The following LIMA1 variants were observed in gnomAD, a reference collection of about 807,000 sequenced individuals.
LIMA1 encodes the protein LIM domain and actin-binding protein 1.
In LIMA1, 52 loss-of-function variants were observed where a neutral mutation model predicts 62.6. The ratio of observed to expected loss-of-function variants is 0.83; its 90% confidence interval spans 0.67 to 1.05. The LOEUF (loss-of-function observed/expected upper bound fraction) is 1.05, where lower values mean the gene tolerates loss of function less well. Ranked by LOEUF, LIMA1 falls within the 50% of genes least tolerant of loss-of-function variation. The pLI is 0.00. For synonymous variants in LIMA1, 302 were observed against 317.8 expected (o/e 0.95, Z 0.53); for missense variants, 780 against 902.2 (o/e 0.86, Z 1.74).
intron 4 of LIMA1, among the ~76,000 whole-genome samples, chr12:50,210,908 CTG>C (rs1177623921): frequency 3.3e-5 from 5 of 152,198 alleles, no homozygotes; most frequent in African/African-American, 1.2e-4. Context: ...CTCATACAGA[CTG>C]TGGCTCTGAG....
chr12:50,261,026 T>C lies in LIMA1; in HGVS notation c.-23-12252A>G, dbSNP rs535505140. Among the ~76,000 whole-genome samples the C allele has an allele frequency of 1.4e-5, 2 of 144,344 alleles. 1 individual carries two copies. Among genetic ancestry groups the C allele is most frequent in the Admixed American group, 1.5e-4 (2 of 13,514 alleles). 94.7% of individuals were successfully genotyped at this position (144,344 alleles called of 152,430 possible). A position where few individuals can be genotyped will look rare whatever the true frequency, so the allele number is the denominator to read the frequency against. ...TCCCTGCTTTTTTTGTCTTTTGCTT[T>C]TCTGCCATCTAGTATATTTTTTTTT... On this transcript the variant is annotated intron_variant, in intron 1 of 10. Coordinates refer to ENST00000341247, the MANE Select transcript of LIMA1 (RefSeq NM_016357.5).
intron 3 of LIMA1, among the ~76,000 whole-genome samples, chr12:50,226,547 A>G (rs1941530518): frequency 6.6e-6 from 1 of 152,126 alleles, no homozygotes; most frequent in African/African-American, 2.4e-5. Flanking sequence ...AACAATAATG[A>G]AAAAAAGATT....
Position 50,263,785 on chromosome 12 carries a change from C to CTGTGTGTGTG in LIMA1, c.-23-15021_-23-15012dup, listed in dbSNP as rs3073660. On this transcript the variant is annotated intron_variant, in intron 1 of 10. Coordinates refer to ENST00000341247, the MANE Select transcript of LIMA1 (RefSeq NM_016357.5). ...CATGGGATCCAGCAATTCCATTCCT[C>CTGTGTGTGTG]TGTGTGTGTGTGTGTGTGTGTGTGT... 6.2e-3 allele frequency among the ~76,000 whole-genome samples: 811 copies of CTGTGTGTGTG among 131,274 alleles called. 3 individuals are homozygous for CTGTGTGTGTG. The highest frequency in any genetic ancestry group is 0.019 in the African/African-American group (656 of 34,136). The allele number at this position is 131,274 out of a possible 152,430, so 86.1% of individuals were successfully genotyped here. A position where few individuals can be genotyped will look rare whatever the true frequency, so the allele number is the denominator to read the frequency against.
chr12:50,255,047 C>A (rs199673568), intron 1 of LIMA1, among the ~76,000 whole-genome samples: 2 of 149,270 alleles, frequency 1.3e-5, no homozygotes, highest in Non-Finnish European at 3.0e-5. Flanking sequence ...AAAAACAAAA[C>A]AAAAAAAAAC....
At chr12:50,256,322 A>G (rs1941997000) in intron 1 of LIMA1, 1 of 152,044 alleles carries the variant, frequency 6.6e-6, no homozygotes, top group Admixed American at 6.6e-5. Context: ...CAACTTTAGT[A>G]TATGTATGAC....
chr12:50,248,043 G>A (rs1440517215), intron 2 of LIMA1, among the ~76,000 whole-genome samples: 1 of 152,190 alleles, frequency 6.6e-6, no homozygotes, highest in East Asian at 1.9e-4. Flanking sequence ...TTTCTGTGCT[G>A]TTCAATACGA....
At chr12:50,221,641 C>T (rs1328399766) in intron 4 of LIMA1, among the ~76,000 whole-genome samples, 2 of 152,194 alleles carry the variant, frequency 1.3e-5, no homozygotes, top group Non-Finnish European at 2.9e-5. Flanking sequence ...CCTTAACACT[C>T]AGTCTGCAGC....
chr12:50,254,843 T>C (rs750215065), intron 1 of LIMA1, among the ~76,000 whole-genome samples: 34 of 152,018 alleles, frequency 2.2e-4, no homozygotes, highest in Non-Finnish European at 4.4e-4. Flanking sequence ...GTGGATCACT[T>C]AAGTTCAGGA....
chr12:50,238,880 A>G (rs1047477766), intron 2 of LIMA1, among the ~76,000 whole-genome samples: 1 of 152,120 alleles, frequency 6.6e-6, no homozygotes, highest in Non-Finnish European at 1.5e-5. Flanking sequence ...GAAGAAAAAA[A>G]AAAAGAACAT....
chr12:50,271,483 G>A (rs967305881), intron 1 of LIMA1, among the ~76,000 whole-genome samples: 1 of 151,928 alleles, frequency 6.6e-6, no homozygotes, highest in African/African-American at 2.4e-5. Flanking sequence ...TTATTCTAAG[G>A]GCAAACATAA....
intron 4 of LIMA1, among the ~76,000 whole-genome samples, chr12:50,209,581 A>AG (rs1464042541): frequency 1.7e-4 from 21 of 125,596 alleles, no homozygotes; most frequent in African/African-American, 5.4e-4. Flanking sequence ...AAAAAAAAAA[A>AG]AAAAAAGAAA....
intron 1 of LIMA1, among the ~76,000 whole-genome samples, chr12:50,281,843 C>T (rs769995960): frequency 6.6e-6 from 1 of 152,082 alleles, no homozygotes; most frequent in Non-Finnish European, 1.5e-5. Context: ...ACCTATATTC[C>T]CTATGCTCCT....
intron 1 of LIMA1, among the ~76,000 whole-genome samples, chr12:50,277,221 T>A (rs1942286255): frequency 1.3e-5 from 2 of 152,126 alleles, no homozygotes; most frequent in Admixed American, 1.3e-4. Flanking sequence ...ACTTCTTTTT[T>A]TTTCTTTTCT....
chr12:50,192,646 A>G, intron 8 of LIMA1, 85 bp from the exon 9 acceptor site: 2 of 902,216 alleles, frequency 2.2e-6, no homozygotes, highest in Non-Finnish European at 1.8e-6. Context: ...AAGTTTGGGC[A>G]CTTTCATTAA....
intron 1 of LIMA1, among the ~76,000 whole-genome samples, chr12:50,262,695 T>C (rs991892706): frequency 7.9e-5 from 12 of 152,090 alleles, no homozygotes; most frequent in Admixed American, 5.9e-4. Flanking sequence ...TGGTGGTGCA[T>C]GCCTGTGATC....
At chr12:50,203,505 C>T (rs1008858527) in intron 6 of LIMA1, among the ~76,000 whole-genome samples, 6 of 151,934 alleles carry the variant, frequency 3.9e-5, no homozygotes, top group Non-Finnish European at 7.4e-5. Context: ...CCTCTGCCTC[C>T]TGGGTTCCAG....
At chr12:50,214,280 A>T (rs1214714696) in intron 4 of LIMA1, among the ~76,000 whole-genome samples, 1 of 152,226 alleles carries the variant, frequency 6.6e-6, no homozygotes, top group East Asian at 1.9e-4. Context: ...AAAAACAAAG[A>T]CAATTCTTGT....
Position 50,195,859 on chromosome 12 carries a change from A to C in LIMA1, c.1001T>G (p.Val334Gly). The change falls in exon 8 of 11, where the codon GTC becomes GGC. Residue 334 changes from valine (V) to glycine (G), a missense_variant. Transcript: ENST00000341247. ...KISANENSLAVRSTPAEDDSR... is the reference protein window; with the variant it reads ...KISANENSLAGRSTPAEDDSR... Reference sequence around the variant, plus strand: ...GTCATCTTCGGCAGGGGTGGAACGGACTGCCAGGCTATTCTCATTTGCAGA... The same window carrying C: ...GTCATCTTCGGCAGGGGTGGAACGGCCTGCCAGGCTATTCTCATTTGCAGA... The C allele has an allele frequency of 6.3e-7, 1 of 1,590,284 alleles. No homozygotes were observed. Among genetic ancestry groups the C allele is most frequent in the South Asian group, 1.1e-5 (1 of 87,364 alleles).
chr12:50,255,284 G>T (rs1345310899), intron 1 of LIMA1, among the ~76,000 whole-genome samples: 2 of 151,906 alleles, frequency 1.3e-5, no homozygotes, highest in Non-Finnish European at 2.9e-5. Context: ...GCCACATGTG[G>T]TGGCTCATGC....
Sources: allele counts gnomAD v4.1 joint callset (sites outside exome capture counted in the v4.1 genomes callset), GRCh38; gene constraint gnomAD v4.1.1; transcripts MANE v1.5; gene names NCBI Gene and HGNC (gene_info 2026-07-23, HGNC 2026-07-21).